Variants in RMND5B observed in about 807,000 individuals in gnomAD.
RMND5B encodes the protein required for meiotic nuclear division 5 homolog B.
RMND5B carries 42 observed loss-of-function variants against 50.4 expected under a neutral mutation model. That is an observed-to-expected ratio of 0.83 (90% CI 0.65 to 1.08). The LOEUF (loss-of-function observed/expected upper bound fraction) is 1.08. RMND5B is among the 50% of genes least tolerant of loss of function. The pLI is 0.00. For missense variants in RMND5B, 463 were observed against 508.5 expected (o/e 0.91, Z 0.86); for synonymous variants, 220 against 210.0 (o/e 1.05, Z -0.41).
At position 178,143,821 on chromosome 5, in the gene RMND5B, G is replaced by C. The variant is rs1030680503; in HGVS notation, c.527+94G>C. On this transcript the variant is annotated intron_variant, in intron 6 of 10. Transcript: ENST00000313386. ...GTCTTCATTTCACCCAGATGTACTT[G>C]ACTTGCCTGCAGCCCTGTCTCAAGA... 6.8e-6 allele frequency: 10 copies of C among 1,460,118 alleles called. 1 individual carries two copies. Among genetic ancestry groups the C allele is most frequent in the South Asian group, 1.1e-5 (1 of 87,740 alleles). The allele number at this position is 1,460,118 out of a possible 1,614,324, so 90.4% of individuals were successfully genotyped here. A position where few individuals can be genotyped will look rare whatever the true frequency, so the allele number is the denominator to read the frequency against.
chr5:178,145,053 T>G (rs1201418369), intron 7 of RMND5B, among the ~76,000 whole-genome samples: 4 of 152,196 alleles, frequency 2.6e-5, no homozygotes, highest in African/African-American at 7.2e-5. Context: ...CATGATTTAT[T>G]ATTTATTTTT....
intron 8 of RMND5B, chr5:178,146,596 C>G (rs942540193): frequency 1.1e-5 from 3 of 280,556 alleles, no homozygotes; most frequent in Non-Finnish European, 2.0e-5. Context: ...ACCCACGCCC[C>G]TCTGCAGCCC....
chr5:178,131,980 C>T (rs948173328), intron 2 of RMND5B, among the ~76,000 whole-genome samples: 2 of 152,074 alleles, frequency 1.3e-5, no homozygotes, highest in African/African-American at 2.4e-5. Context: ...AGAGGAGTGA[C>T]ATGTAGGGTA....
chr5:178,147,344 T>C (rs563435399), intron 8 of RMND5B, 189 bp from the exon 9 acceptor site: 1 of 598,246 alleles, frequency 1.7e-6, no homozygotes, highest in Non-Finnish European at 3.0e-6. Context: ...AGAATGAGTC[T>C]GTAGAGTCAG....
At chr5:178,144,247 C>T (rs56712710) in intron 7 of RMND5B, 139 bp downstream of exon 7, 56 of 846,996 alleles carry the variant, frequency 6.6e-5, no homozygotes, top group Non-Finnish European at 9.4e-5. Context: ...AGAAACTTCT[C>T]TGACCCCTCG....
chr5:178,132,629 G>A (rs180864244), intron 2 of RMND5B, among the ~76,000 whole-genome samples: 51 of 151,930 alleles, frequency 3.4e-4, no homozygotes, highest in African/African-American at 1.2e-3. Context: ...CTTGGGGTGG[G>A]GGGCTGAGGT....
At chr5:178,134,547 C>T (rs138247433) in intron 2 of RMND5B, among the ~76,000 whole-genome samples, 10 of 152,252 alleles carry the variant, frequency 6.6e-5, no homozygotes, top group South Asian at 4.2e-4. Flanking sequence ...CAATTCCTTG[C>T]GCCTGGTGAA....
intron 3 of RMND5B, 64 bp from the exon 4 acceptor site, chr5:178,142,519 G>T: frequency 7.7e-6 from 12 of 1,549,342 alleles, no homozygotes; most frequent in Non-Finnish European, 1.1e-5. Context: ...TAGAGCTAAG[G>T]TCTGCTGCCA....
rs929762369 is a variant in RMND5B, at chr5:178,137,209, T to TG, written c.-12-898dup. ...CAAGGGTTCTGTGCCTGTCCTCGGG[T>TG]GTGCGGCGGGTGAGGGTGAGGCAGG... On this transcript the variant is annotated intron_variant, in intron 2 of 10. Coordinates refer to ENST00000313386, the MANE Select transcript of RMND5B (RefSeq NM_022762.5). This position sits in a 1 kb window ranked among gnomAD's most constrained non-coding sequence, Gnocchi z 4.4. 4.6e-5 allele frequency among the ~76,000 whole-genome samples: 7 copies of TG among 151,936 alleles called. No individual in the cohort carries two copies. The highest frequency in any genetic ancestry group is 1.7e-4 in the African/African-American group (7 of 41,304).
intron 6 of RMND5B, 46 bp from the exon 7 acceptor site, chr5:178,143,882 GCTGGCTCTCAGGTC>G: frequency 6.3e-7 from 1 of 1,586,518 alleles, no homozygotes; most frequent in African/African-American, 1.3e-5. Flanking sequence ...CCTCTCAGGT[GCTGGCTCTCAGGTC>G]CTAGCCCCCA....
In RMND5B at chr5:178,143,682, G is replaced by C. The variant is rs1199085399; in HGVS notation, c.482G>C (p.Arg161Pro). The change falls in exon 6 of 11, where the codon CGA (arginine) becomes CCA (proline). Residue 161 changes from arginine to proline, a missense_variant. Transcript: ENST00000313386. The part of the protein sequence containing the change: ...DFKQPFLELN[R>P]ILEALHEQDL... ...AAGCAGCCTTTCCTAGAGTTGAATC[G>C]AATCCTGGAAGCCCTGCACGAACAA... 6.2e-7 allele frequency: 1 copy of C among 1,614,152 alleles called. No homozygotes were observed. Among genetic ancestry groups the C allele is most frequent in the South Asian group, 1.1e-5 (1 of 91,082 alleles).
At position 178,148,115 on chromosome 5, in the gene RMND5B, G is replaced by C. The variant is rs1338916735; in HGVS notation, c.*83G>C. ...CTCGGTAGGGTGGTCAACTTCAGTG[G>C]ACTGTGGTTGGTTTCAGAGCGCCTG... On this transcript the variant is annotated 3_prime_UTR_variant, in exon 11 of 11. Transcript: ENST00000313386. 10 of 1,398,616 alleles carry C rather than the reference G, an allele frequency of 7.1e-6. No individual in the cohort carries two copies. Among genetic ancestry groups the C allele is most frequent in the Non-Finnish European group, 1.0e-5 (10 of 985,996 alleles). The allele number at this position is 1,398,616 out of a possible 1,614,324, so 86.6% of individuals were successfully genotyped here.
Position 178,142,613 on chromosome 5 carries a change from T to C in RMND5B, c.170T>C (p.Leu57Pro). Residue 57 changes from leucine (L) to proline (P), a missense_variant, in exon 4 of 11, where the codon CTC (leucine) becomes CCC (proline). Physicochemically the swap from Leu to Pro is moderately conservative, Grantham distance 98. Coordinates refer to ENST00000313386, the MANE Select transcript of RMND5B (RefSeq NM_022762.5). ...ALQGTPLSAT[L>P]SLVMSQCCRK... is the part of the protein sequence containing the mutation. ...CAGGGGACCCCTCTCTCAGCCACCCTCTCTCTGGTGATGTCACAGTGCTGC... is the reference window on the plus strand; with the variant it reads ...CAGGGGACCCCTCTCTCAGCCACCCCCTCTCTGGTGATGTCACAGTGCTGC... 1 of 1,613,856 alleles carries C rather than the reference T, an allele frequency of 6.2e-7. No individual in the cohort carries two copies. The highest frequency in any genetic ancestry group is 8.5e-7 in the Non-Finnish European group (1 of 1,179,818).
At position 178,149,252 on chromosome 5, in the gene RMND5B, T is replaced by C; in HGVS notation, c.*1220T>C. On this transcript the variant is annotated 3_prime_UTR_variant, in exon 11 of 11. Transcript: ENST00000313386. ...CTTACCTCACAGCCCCCATCTACCC[T>C]GGAAGAGGGAGTTGAAAATGCTGGG... The C allele has an allele frequency of 6.2e-6, 1 of 161,574 alleles. No homozygotes were observed. Among genetic ancestry groups the C allele is most frequent in the Non-Finnish European group, 1.4e-5 (1 of 73,524 alleles). 10.0% of individuals were successfully genotyped at this position (161,574 alleles called of 1,614,324 possible). A position where few individuals can be genotyped will look rare whatever the true frequency, so the allele number is the denominator to read the frequency against.
At chr5:178,141,037 TCTC>T (rs1758907750) in intron 3 of RMND5B, among the ~76,000 whole-genome samples, 1 of 152,206 alleles carries the variant, frequency 6.6e-6, no homozygotes, top group East Asian at 1.9e-4. Flanking sequence ...AGCTTTCCCT[TCTC>T]CTTTCATTAT....
intron 3 of RMND5B, among the ~76,000 whole-genome samples, chr5:178,139,893 T>C (rs1287116573): frequency 6.6e-6 from 1 of 152,062 alleles, no homozygotes; most frequent in Non-Finnish European, 1.5e-5. Context: ...TAATTTCCAG[T>C]CCAAGAACCA....
intron 2 of RMND5B, among the ~76,000 whole-genome samples, chr5:178,136,695 T>G (rs1304115403): frequency 6.6e-6 from 1 of 151,748 alleles, no homozygotes; most frequent in Non-Finnish European, 1.5e-5. Context: ...GGACATAGGA[T>G]TCTCTTTCTC....
intron 3 of RMND5B, 77 bp from the exon 4 acceptor site, chr5:178,142,506 G>T: frequency 6.6e-7 from 1 of 1,504,230 alleles, no homozygotes; most frequent in South Asian, 1.3e-5. Context: ...CTGGCATTTA[G>T]AATAGAGCTA....
In RMND5B at chr5:178,138,519, TTG is replaced by T. The variant is rs10657977; in HGVS notation, c.139+289_139+290del. On this transcript the variant is annotated intron_variant, in intron 3 of 10. Transcript: ENST00000313386. The surrounding 1 kb of genome is among the most constrained non-coding windows in gnomAD (Gnocchi z 5.1). ...TTTTTAACTTTTTTTCATTTTATAA[TTG>T]TGTGTGTGTGTGTGTGTGTGTGTGT... 7,842 of 300,746 alleles carry T rather than the reference TTG, an allele frequency of 0.026. 62 individuals carry two copies. The highest frequency in any genetic ancestry group is 0.053 in the Middle Eastern group (42 of 794). 18.6% of individuals were successfully genotyped at this position (300,746 alleles called of 1,614,324 possible).
Sources: gnomAD v4.1 joint callset for allele counts (sites outside exome capture counted in the v4.1 genomes callset) on GRCh38, gnomAD v4.1.1 for gene constraint, Gnocchi (gnomAD v3.1) non-coding constraint, MANE v1.5 for transcripts, NCBI Gene and HGNC (gene_info 2026-07-23, HGNC 2026-07-21) for gene names.